The following CNIH1 variants were observed in gnomAD, a reference collection of about 807,000 sequenced individuals.
CNIH1 encodes the protein cornichon family member 1, also known as protein cornichon homolog 1.
Under a neutral mutation model 20.2 loss-of-function variants are expected in CNIH1, and 12 were observed. The ratio of observed to expected loss-of-function variants is 0.59; its 90% confidence interval spans 0.38 to 0.96. The LOEUF is 0.96. Ranked by LOEUF, CNIH1 falls within the 40% of genes least tolerant of loss-of-function variation. The probability of loss-of-function intolerance (pLI) is 0.00; values close to 1 mark genes in which losing one functional copy is unlikely to be tolerated. For missense variants in CNIH1, 152 were observed against 178.8 expected (o/e 0.85, Z 0.85); for synonymous variants, 69 against 63.3 (o/e 1.09, Z -0.43).
Position 54,427,444 on chromosome 14 carries a change from C to A in CNIH1, c.*370G>T. 5.3e-6 allele frequency: 1 copy of A among 188,630 alleles called. No homozygotes were observed. The highest frequency in any genetic ancestry group is 1.1e-5 in the Non-Finnish European group (1 of 92,418). 11.7% of individuals were successfully genotyped at this position (188,630 alleles called of 1,614,324 possible). On this transcript the variant is annotated 3_prime_UTR_variant, in exon 5 of 5. Coordinates refer to ENST00000216416, the MANE Select transcript of CNIH1 (RefSeq NM_005776.3). The stretch of plus-strand genomic sequence containing the variant: ...TAATTAGATACTGTTTCAATGAAAC[C>A]AAAATGAGCCCTACAAGTTCCTATA...
chr14:54,436,844 T>C (rs1331624782), intron 1 of CNIH1: 1 of 426,340 alleles, frequency 2.3e-6, no homozygotes, highest in African/African-American at 2.1e-5. Context: ...CCTAACTCCT[T>C]TGGGCAGAAG....
intron 1 of CNIH1, among the ~76,000 whole-genome samples, chr14:54,440,584 G>A (rs1472423407): frequency 6.6e-6 from 1 of 152,166 alleles, no homozygotes; most frequent in Non-Finnish European, 1.5e-5. Flanking sequence ...CTGAATATAA[G>A]GGTGGCTTGG....
chr14:54,427,751 G>T lies in CNIH1; in HGVS notation c.*63C>A. On this transcript the variant is annotated 3_prime_UTR_variant, in exon 5 of 5. Coordinates refer to ENST00000216416, the MANE Select transcript of CNIH1 (RefSeq NM_005776.3). ...CTCTTGGACAGGATCTTGCTGGATAGAATCCCTTCATTTGGTGGCTTTTTG... is the reference window on the plus strand; with the variant it reads ...CTCTTGGACAGGATCTTGCTGGATATAATCCCTTCATTTGGTGGCTTTTTG... 1 of 1,550,522 alleles carries T rather than the reference G, an allele frequency of 6.4e-7. No homozygotes were observed. Among genetic ancestry groups the T allele is most frequent in the Non-Finnish European group, 8.9e-7 (1 of 1,123,924 alleles).
chr14:54,427,791 G>T lies in CNIH1; in HGVS notation c.*23C>A. ...GTGGCTTTTTGCATGCACTTAACTG[G>T]ACCAATTCTTCTGTGTGTTGTTCTA... is the stretch of plus-strand genomic sequence containing the variant. On this transcript the variant is annotated 3_prime_UTR_variant, in exon 5 of 5. Coordinates refer to ENST00000216416, the MANE Select transcript of CNIH1 (RefSeq NM_005776.3). 6.2e-7 allele frequency: 1 copy of T among 1,613,084 alleles called. No individual in the cohort carries two copies. The highest frequency in any genetic ancestry group is 1.1e-5 in the South Asian group (1 of 90,948).
intron 1 of CNIH1, among the ~76,000 whole-genome samples, chr14:54,440,782 C>T (rs1196287673): frequency 6.6e-6 from 1 of 152,246 alleles, no homozygotes; most frequent in Non-Finnish European, 1.5e-5. Flanking sequence ...GTTGGAAATT[C>T]ACCCTAAGTA....
chr14:54,429,743 G>C (rs1029976976), intron 4 of CNIH1, among the ~76,000 whole-genome samples: 5 of 152,048 alleles, frequency 3.3e-5, no homozygotes, highest in Non-Finnish European at 5.9e-5. Context: ...CTGGGCAACA[G>C]AGACTCCGAC....
At chr14:54,427,999 T>A (rs1030467536) in intron 4 of CNIH1, among the ~76,000 whole-genome samples, 158 bp from the exon 5 acceptor site, 2 of 152,068 alleles carry the variant, frequency 1.3e-5, no homozygotes, top group Non-Finnish European at 2.9e-5. Flanking sequence ...TTATGGACTT[T>A]TGCCTAACAT....
At chr14:54,428,414 A>C (rs534098028) in intron 4 of CNIH1, among the ~76,000 whole-genome samples, 2 of 152,376 alleles carry the variant, frequency 1.3e-5, no homozygotes, top group South Asian at 4.1e-4. Flanking sequence ...TTTAGGTTTA[A>C]GAACTGCCAA....
intron 2 of CNIH1, among the ~76,000 whole-genome samples, chr14:54,433,918 G>A (rs1473109629): frequency 6.6e-6 from 1 of 152,000 alleles, no homozygotes; most frequent in African/African-American, 2.4e-5. Context: ...AAGGAGTCCA[G>A]AAACATTTAC....
intron 1 of CNIH1, 112 bp from the exon 2 acceptor site, chr14:54,436,549 C>G (rs2031057617): frequency 1.6e-6 from 1 of 644,762 alleles, no homozygotes. Flanking sequence ...AAAAGTACAC[C>G]AAGATCCCAA....
At position 54,441,216 on chromosome 14, in the gene CNIH1, C is replaced by T. The variant is rs897283455; in HGVS notation, c.81+31G>A. On this transcript the variant is annotated intron_variant, in intron 1 of 4. Transcript: ENST00000216416. ...GCGAAAAGAGGCTGTGTTGCCGCCT[C>T]GCCCTCCTTTCCCCAGCCCCAGCTA... The T allele has an allele frequency of 2.3e-5, 34 of 1,486,744 alleles. No homozygotes were observed. The African/African-American group carries it at 4.4e-4, about 19-fold the overall frequency. The allele number at this position is 1,486,744 out of a possible 1,614,324, so 92.1% of individuals were successfully genotyped here.
chr14:54,437,725 T>A (rs1008774674), intron 1 of CNIH1, among the ~76,000 whole-genome samples: 1 of 151,894 alleles, frequency 6.6e-6, no homozygotes, highest in Non-Finnish European at 1.5e-5. Context: ...CCTTGGCTAA[T>A]GACACCTAAC....
rs1351284329 is a variant in CNIH1, at chr14:54,424,116, T to C, written c.*3698A>G. ...ATTCTGAGGTATTAATTCAGAACCA[T>C]CTTCCAAGCTATACTGGTAGCACCA... is the stretch of plus-strand genomic sequence containing the variant. On this transcript the variant is annotated 3_prime_UTR_variant, in exon 5 of 5. Transcript: ENST00000216416. 2.6e-5 allele frequency: 4 copies of C among 152,346 alleles called. No individual in the cohort carries two copies. In the East Asian group the frequency reaches 5.8e-4, roughly 22 times the overall value. 9.4% of individuals were successfully genotyped at this position (152,346 alleles called of 1,614,324 possible).
At chr14:54,430,833 T>TTTG (rs113820422) in intron 3 of CNIH1, among the ~76,000 whole-genome samples, 96 of 152,246 alleles carry the variant, frequency 6.3e-4, no homozygotes, top group African/African-American at 2.1e-3. Flanking sequence ...GTTTTGTTTT[T>TTTG]TTGTTGTTGT....
chr14:54,436,670 C>A, intron 1 of CNIH1: 1 of 558,178 alleles, frequency 1.8e-6, no homozygotes, highest in South Asian at 1.9e-5. Flanking sequence ...TAATAAATAC[C>A]TTCAATTTTC....
intron 1 of CNIH1, among the ~76,000 whole-genome samples, chr14:54,440,517 A>T (rs1228638483): frequency 6.6e-6 from 1 of 152,228 alleles, no homozygotes; most frequent in Admixed American, 6.5e-5. Context: ...AGAAAAGCTT[A>T]AGGTTTCTGA....
At chr14:54,433,009 C>T (rs1299288676) in intron 2 of CNIH1, among the ~76,000 whole-genome samples, 1 of 152,146 alleles carries the variant, frequency 6.6e-6, no homozygotes, top group Non-Finnish European at 1.5e-5. Context: ...CCTTTTGGTA[C>T]TAGGTAATAT....
At chr14:54,431,282 C>G (rs1424708938) in intron 3 of CNIH1, among the ~76,000 whole-genome samples, 1 of 152,100 alleles carries the variant, frequency 6.6e-6, no homozygotes, top group Non-Finnish European at 1.5e-5. Context: ...CGCCCGCCAC[C>G]ACTACTGGTT....
intron 1 of CNIH1, 72 bp from the exon 2 acceptor site, chr14:54,436,509 A>G (rs2031056960): frequency 2.6e-6 from 2 of 782,340 alleles, no homozygotes; most frequent in Admixed American, 2.3e-5. Flanking sequence ...CCCATCTTCA[A>G]ATAATTATTA....
Sources: gnomAD v4.1 joint callset for allele counts (sites outside exome capture counted in the v4.1 genomes callset) on GRCh38, gnomAD v4.1.1 for gene constraint, MANE v1.5 for transcripts, NCBI Gene and HGNC (gene_info 2026-07-23, HGNC 2026-07-21) for gene names.